The following HS6ST3 variants were observed in gnomAD, a reference collection of about 807,000 sequenced individuals.
HS6ST3 encodes heparan-sulfate 6-O-sulfotransferase 3.
In HS6ST3, 12 loss-of-function variants were observed where a neutral mutation model predicts 36.7. The ratio of observed to expected loss-of-function variants is 0.33; its 90% CI spans 0.21 to 0.53. The LOEUF (loss-of-function observed/expected upper bound fraction) is 0.53, where lower values mean the gene tolerates loss of function less well. HS6ST3 is among the 20% of genes least tolerant of loss of function. The pLI, the probability that HS6ST3 is intolerant of heterozygous loss-of-function variation, is 0.95. For synonymous variants in HS6ST3, 240 were observed against 257.5 expected, an observed-to-expected ratio of 0.93 and a Z score of 0.65; for missense variants, 584 against 640.9, an observed-to-expected ratio of 0.91 and a Z score of 0.96.
At chr13:96,329,513 A>G (rs1462113155) in intron 1 of HS6ST3, among the ~76,000 whole-genome samples, 6 of 147,964 alleles carry the variant, frequency 4.1e-5, no homozygotes, top group South Asian at 2.1e-4. Context: ...TCTTAATCCT[A>G]AGTTCTAGTT....
intron 1 of HS6ST3, among the ~76,000 whole-genome samples, chr13:96,532,675 T>C (rs1241155645): frequency 6.6e-6 from 1 of 152,162 alleles, no homozygotes; most frequent in East Asian, 1.9e-4. Context: ...CCTTTCCTAA[T>C]AGTACTAGGA....
intron 1 of HS6ST3, among the ~76,000 whole-genome samples, chr13:96,434,472 C>T (rs1594779446): frequency 6.6e-6 from 1 of 152,194 alleles, no homozygotes; most frequent in African/African-American, 2.4e-5. Context: ...TCCCTGCAGG[C>T]CCCTTGCCCT....
rs76201892 is a variant in HS6ST3, at chr13:96,660,075, C to T, written c.708-172415C>T. On this transcript the variant is annotated intron_variant, in intron 1 of 1. Transcript: ENST00000376705. ...TGTTTTTTTATTAAGTATACTGAAT[C>T]ATAATGCACCCTCATTTCAAACCAA... Among the ~76,000 whole-genome samples the T allele has an allele frequency of 1.8e-3, 270 of 152,110 alleles. 3 individuals carry two copies. The East Asian group carries it at 0.027, about 15-fold the overall frequency.
chr13:96,464,138 C>CAAAAAAAAAAAAAAA (rs67305199), intron 1 of HS6ST3, among the ~76,000 whole-genome samples: 6 of 38,788 alleles, frequency 1.5e-4, no homozygotes, highest in Non-Finnish European at 2.0e-4. Context: ...TGTCAGGCCT[C>CAAAAAAAAAAAAAAA]AAAAAAAAAA....
At chr13:96,493,461 CATT>C (rs2055956959) in intron 1 of HS6ST3, among the ~76,000 whole-genome samples, 1 of 152,102 alleles carries the variant, frequency 6.6e-6, no homozygotes, top group Admixed American at 6.6e-5. Context: ...TAAAGTGGCT[CATT>C]ATTATATTCA....
At chr13:96,232,076 T>C (rs1002422313) in intron 1 of HS6ST3, among the ~76,000 whole-genome samples, 1 of 152,014 alleles carries the variant, frequency 6.6e-6, no homozygotes, top group African/African-American at 2.4e-5. Context: ...ATTGACCAGA[T>C]CTGGAAAAGA....
chr13:96,470,619 A>G (rs184729956), intron 1 of HS6ST3, among the ~76,000 whole-genome samples: 10 of 152,232 alleles, frequency 6.6e-5, no homozygotes, highest in African/African-American at 2.4e-4. Flanking sequence ...TTCCATAGTC[A>G]TGCATCTTGA....
At chr13:96,792,699 A>G (rs535198394) in intron 1 of HS6ST3, among the ~76,000 whole-genome samples, 1 of 152,132 alleles carries the variant, frequency 6.6e-6, no homozygotes, top group Admixed American at 6.6e-5. Context: ...TGAGGATAAA[A>G]TATTTCAAGT....
intron 1 of HS6ST3, among the ~76,000 whole-genome samples, chr13:96,684,242 A>C (rs971990393): frequency 1.3e-5 from 2 of 151,924 alleles, no homozygotes; most frequent in Non-Finnish European, 2.9e-5. Context: ...TTTTTTCTTA[A>C]TGTACCTTTT....
At chr13:96,567,677 G>C (rs1408369880) in intron 1 of HS6ST3, among the ~76,000 whole-genome samples, 1 of 152,060 alleles carries the variant, frequency 6.6e-6, no homozygotes, top group African/African-American at 2.4e-5. Context: ...CATGATAAAA[G>C]TCACTAAAAA....
At chr13:96,661,608 T>C (rs2056646692) in intron 1 of HS6ST3, among the ~76,000 whole-genome samples, 1 of 152,156 alleles carries the variant, frequency 6.6e-6, no homozygotes, top group Non-Finnish European at 1.5e-5. Context: ...ACGGTTAATA[T>C]TGACATGTGA....
At chr13:96,209,255 G>T (rs1032187923) in intron 1 of HS6ST3, among the ~76,000 whole-genome samples, 7 of 152,186 alleles carry the variant, frequency 4.6e-5, no homozygotes, top group African/African-American at 1.7e-4. Context: ...TGGGTTAGCG[G>T]TAGCGGGGAT....
chr13:96,546,403 G>T (rs1186885670), intron 1 of HS6ST3, among the ~76,000 whole-genome samples: 1 of 152,094 alleles, frequency 6.6e-6, no homozygotes, highest in African/African-American at 2.4e-5. Context: ...CTCTCCTTTG[G>T]CAAGGGCAGG....
At chr13:96,516,532 GTCC>G in intron 1 of HS6ST3, among the ~76,000 whole-genome samples, 1 of 152,030 alleles carries the variant, frequency 6.6e-6, no homozygotes, top group Admixed American at 6.6e-5. Flanking sequence ...GCAAAACATT[GTCC>G]CTTCCTCATA....
At chr13:96,304,711 C>CTTTCTTTCTTTCTTTTTTTT (rs766397124) in intron 1 of HS6ST3, among the ~76,000 whole-genome samples, 3 of 89,338 alleles carry the variant, frequency 3.4e-5, no homozygotes, top group African/African-American at 1.3e-4. Flanking sequence ...TTCTTTCTTT[C>CTTTCTTTCTTTCTTTTTTTT]TTTTTTTTTT....
chr13:96,554,746 T>A (rs2056232905), intron 1 of HS6ST3, among the ~76,000 whole-genome samples: 1 of 151,966 alleles, frequency 6.6e-6, no homozygotes, highest in African/African-American at 2.4e-5. Context: ...GAAAAGACAA[T>A]TTGAGACTTA....
intron 1 of HS6ST3, among the ~76,000 whole-genome samples, chr13:96,231,323 A>G (rs1324698451): frequency 6.6e-6 from 1 of 152,188 alleles, no homozygotes; most frequent in African/African-American, 2.4e-5. Context: ...ATAGTCCTGT[A>G]TTAGTCCATT....
chr13:96,826,454 G>A (rs1273315881), intron 1 of HS6ST3, among the ~76,000 whole-genome samples: 2 of 152,078 alleles, frequency 1.3e-5, no homozygotes, highest in African/African-American at 4.8e-5. Flanking sequence ...GGCCTCTGTA[G>A]TAGGTGCTGG....
chr13:96,428,224 C>CT (rs1262387400), intron 1 of HS6ST3, among the ~76,000 whole-genome samples: 1 of 152,116 alleles, frequency 6.6e-6, no homozygotes, highest in Non-Finnish European at 1.5e-5. Context: ...TGGCACATAC[C>CT]TGTAGTCCCA....
Sources: allele counts gnomAD v4.1 joint callset (sites outside exome capture counted in the v4.1 genomes callset), GRCh38; gene constraint gnomAD v4.1.1; transcripts MANE v1.5; gene names NCBI Gene and HGNC (gene_info 2026-07-23, HGNC 2026-07-21).